Variants in PCDHA4 observed in about 807,000 individuals in gnomAD.
PCDHA4 encodes the protein protocadherin alpha 4.
PCDHA4 carries 49 observed loss-of-function variants against 61.4 expected under a neutral mutation model. That is an observed-to-expected ratio of 0.80 (90% CI 0.63 to 1.01). The LOEUF is 1.01. PCDHA4 is among the 50% of genes least tolerant of loss of function. The pLI is 0.00. For missense variants in PCDHA4, 1,254 were observed against 1,235.8 expected (o/e 1.01, Z -0.22); for synonymous variants, 590 against 550.3 (o/e 1.07, Z -1.01).
At chr5:140,852,838 C>A in intron 1 of PCDHA4, 1 of 968,954 alleles carries the variant, frequency 1.0e-6, no homozygotes, top group Non-Finnish European at 1.2e-6. Context: ...CTCCTTAGAG[C>A]TAGTACTTAC....
Position 140,855,947 on chromosome 5 carries a change from T to A in PCDHA4, c.2385+46375T>A. On this transcript the variant is annotated intron_variant, in intron 1 of 3. Transcript: ENST00000530339. Reference sequence around the variant, plus strand: ...TAGCGTCATTCTGAGATCTCAGCCATTTCGATAAAAAATAGATATAAGAAA... The same window carrying A: ...TAGCGTCATTCTGAGATCTCAGCCAATTCGATAAAAAATAGATATAAGAAA... 2.9e-6 allele frequency: 4 copies of A among 1,358,712 alleles called. No homozygotes were observed. In the Admixed American group the frequency reaches 7.1e-5, roughly 24 times the overall value. The allele number at this position is 1,358,712 out of a possible 1,614,324, so 84.2% of individuals were successfully genotyped here. A position where few individuals can be genotyped will look rare whatever the true frequency, so the allele number is the denominator to read the frequency against.
chr5:140,823,820 C>G, intron 1 of PCDHA4: 1 of 1,613,790 alleles, frequency 6.2e-7, no homozygotes, highest in Non-Finnish European at 8.5e-7. Context: ...TCGCGGGCGT[C>G]GGCGGGCGCT....
intron 3 of PCDHA4, among the ~76,000 whole-genome samples, chr5:140,995,774 G>A (rs2097697505): frequency 1.3e-5 from 2 of 151,968 alleles, no homozygotes; most frequent in Admixed American, 1.3e-4. Context: ...GAGAGTGAAG[G>A]GCAGGTTTAA....
chr5:140,900,543 C>T (rs889758586), intron 1 of PCDHA4, among the ~76,000 whole-genome samples: 2 of 152,210 alleles, frequency 1.3e-5, no homozygotes, highest in African/African-American at 4.8e-5. Context: ...TTCCAAAGTG[C>T]TGGGATTACA....
intron 1 of PCDHA4, among the ~76,000 whole-genome samples, chr5:140,891,446 G>T (rs1554184841): frequency 1.0e-4 from 15 of 149,150 alleles, no homozygotes. Context: ...CATTGTATAG[G>T]ATTTTTGAAT....
intron 1 of PCDHA4, among the ~76,000 whole-genome samples, chr5:140,874,104 A>G (rs251376): frequency 0.45 from 68,940 of 152,128 alleles, 15,928 homozygotes; most frequent in South Asian, 0.58. Context: ...GTTTTTAATT[A>G]CTTAACGTTT....
chr5:140,996,478 A>C (rs1241472780), intron 3 of PCDHA4, among the ~76,000 whole-genome samples: 1 of 152,214 alleles, frequency 6.6e-6, no homozygotes, highest in East Asian at 1.9e-4. Flanking sequence ...AGTAGTGCTC[A>C]GGCCTGGGCA....
chr5:140,987,563 T>C (rs2097259374), intron 3 of PCDHA4, among the ~76,000 whole-genome samples: 1 of 152,226 alleles, frequency 6.6e-6, no homozygotes, highest in Non-Finnish European at 1.5e-5. Context: ...ATTCTCAGTT[T>C]CTTTCTCTAT....
At position 140,918,978 on chromosome 5, in the gene PCDHA4, G is replaced by C. The variant is rs1363137172; in HGVS notation, c.2386-59971G>C. On this transcript the variant is annotated intron_variant, in intron 1 of 3. Transcript: ENST00000530339. Reference sequence around the variant, plus strand: ...ACTAAGACAGATATCGTTTAGGTTAGTTGGTTTTTAGTGTTGTTCACATCT... The same window carrying C: ...ACTAAGACAGATATCGTTTAGGTTACTTGGTTTTTAGTGTTGTTCACATCT... Among the ~76,000 whole-genome samples, 5 of 152,204 alleles carry C rather than the reference G, an allele frequency of 3.3e-5. No homozygotes were observed. In the South Asian group the frequency reaches 8.3e-4, roughly 25 times the overall value.
chr5:140,951,863 C>T (rs991949987), intron 1 of PCDHA4, among the ~76,000 whole-genome samples: 10 of 152,096 alleles, frequency 6.6e-5, no homozygotes, highest in Non-Finnish European at 7.3e-5. Flanking sequence ...TCCAAAGTCT[C>T]ATCTGAGACA....
intron 1 of PCDHA4, among the ~76,000 whole-genome samples, chr5:140,914,284 G>T (rs781914384): frequency 9.9e-5 from 15 of 152,022 alleles, no homozygotes; most frequent in Non-Finnish European, 2.1e-4. Flanking sequence ...ATTTATAATT[G>T]TTATATCCTC....
intron 1 of PCDHA4, chr5:140,856,070 C>G (rs533914587): frequency 1.3e-6 from 2 of 1,591,758 alleles, no homozygotes; most frequent in South Asian, 2.2e-5. Context: ...ATGTAGCTGC[C>G]TGGGGGTCCA....
intron 1 of PCDHA4, chr5:140,824,610 G>GTTTTTTTTTTTTTTTTTTTTTTTT (rs782443702): frequency 7.4e-5 from 7 of 95,108 alleles, no homozygotes; most frequent in African/African-American, 1.5e-4. Flanking sequence ...GCTAATTAAA[G>GTTTTTTTTTTTTTTTTTTTTTTTT]TTTTTTTTTT....
intron 3 of PCDHA4, among the ~76,000 whole-genome samples, chr5:141,003,290 G>A (rs1302166316): frequency 1.3e-5 from 2 of 152,176 alleles, no homozygotes; most frequent in Non-Finnish European, 2.9e-5. Flanking sequence ...TTGGATTATA[G>A]GATTACATGA....
chr5:140,826,458 C>A (rs1001848895), intron 1 of PCDHA4, among the ~76,000 whole-genome samples: 2 of 152,138 alleles, frequency 1.3e-5, no homozygotes, highest in Admixed American at 6.5e-5. Flanking sequence ...GTGTCACAAT[C>A]ATCTGTGAGG....
At chr5:140,866,126 G>T (rs1435544560) in intron 1 of PCDHA4, 2 of 152,108 alleles carry the variant, frequency 1.3e-5, no homozygotes, top group African/African-American at 4.8e-5. Context: ...TAAGAACTAC[G>T]TATCTGTTGT....
At chr5:140,822,099 C>A in intron 1 of PCDHA4, 1 of 1,614,206 alleles carries the variant, frequency 6.2e-7, no homozygotes, top group Non-Finnish European at 8.5e-7. Context: ...TGGAGGTGAT[C>A]GTGGACAGGC....
At chr5:140,833,462 C>A (rs1291648288) in intron 1 of PCDHA4, among the ~76,000 whole-genome samples, 3 of 152,102 alleles carry the variant, frequency 2.0e-5, no homozygotes, top group Non-Finnish European at 4.4e-5. Context: ...AATAAACTTA[C>A]ATTTTAAAAG....
At chr5:140,968,378 G>A (rs782689152) in intron 1 of PCDHA4, 15 of 1,614,040 alleles carry the variant, frequency 9.3e-6, no homozygotes, top group Non-Finnish European at 1.3e-5. Context: ...CAACTCCTTT[G>A]ACTATGAGAA....
Sources: gnomAD v4.1 joint callset for allele counts (sites outside exome capture counted in the v4.1 genomes callset) on GRCh38, gnomAD v4.1.1 for gene constraint, MANE v1.5 for transcripts, NCBI Gene and HGNC (gene_info 2026-07-23, HGNC 2026-07-21) for gene names.